DDX24: variants seen among roughly 807,000 people sequenced by gnomAD.
The protein encoded by DDX24 is DEAD-box helicase 24, also known as ATP-dependent RNA helicase DDX24.
DDX24 carries 24 observed loss-of-function variants against 68.9 expected under a neutral mutation model. The ratio of observed to expected loss-of-function variants is 0.35; its 90% CI spans 0.25 to 0.49. The LOEUF (loss-of-function observed/expected upper bound fraction) is 0.49. DDX24 is among the 20% of genes least tolerant of loss of function. The probability of loss-of-function intolerance (pLI) is 0.99; values close to 1 mark genes in which losing one functional copy is unlikely to be tolerated. For synonymous variants in DDX24, 395 were observed against 385.2 expected (o/e 1.03, Z -0.30); for missense variants, 989 against 1,039.0 (o/e 0.95, Z 0.66).
intron 2 of DDX24, among the ~76,000 whole-genome samples, chr14:94,077,302 G>A (rs1319314772): frequency 1.3e-5 from 2 of 152,168 alleles, no homozygotes; most frequent in Admixed American, 6.5e-5. Context: ...TATCCAAGTC[G>A]TTTTGAATTC....
intron 7 of DDX24, among the ~76,000 whole-genome samples, chr14:94,053,751 T>C (rs188326466): frequency 6.6e-6 from 1 of 152,192 alleles, no homozygotes; most frequent in Non-Finnish European, 1.5e-5. Context: ...GAGGCGAAGG[T>C]TGTGGTGAGC....
intron 5 of DDX24, among the ~76,000 whole-genome samples, chr14:94,058,963 G>T (rs1382357166): frequency 6.6e-6 from 1 of 152,194 alleles, no homozygotes; most frequent in Admixed American, 6.5e-5. Context: ...GCAGCCAGGT[G>T]TGATGGCATG....
chr14:94,051,455 T>C lies in DDX24; in HGVS notation c.2316A>G (p.Lys772=), dbSNP rs754810856. The change falls in exon 9 of 9, where the codon AAA becomes AAG. Residue 772 remains lysine, a synonymous_variant. Coordinates refer to ENST00000621632, the MANE Select transcript of DDX24 (RefSeq NM_020414.4). The stretch of plus-strand genomic sequence containing the variant: ...TCCGACGTTCTTCTTGCTGGTCAGC[T>C]TTTCCTCCTTGAAACACAATACAAA... The part of the protein sequence containing the change: ...ELEEDMYKGG[K]ADQQEERRRQ... 6 of 1,547,392 alleles carry C rather than the reference T, an allele frequency of 3.9e-6. No individual in the cohort carries two copies.
intron 7 of DDX24, among the ~76,000 whole-genome samples, chr14:94,053,537 G>A (rs557955141): frequency 3.3e-5 from 5 of 151,982 alleles, no homozygotes; most frequent in South Asian, 2.1e-4. Flanking sequence ...CTCTTGAGCC[G>A]GGCATGGTGG....
At chr14:94,058,811 T>C (rs1270575303) in intron 5 of DDX24, among the ~76,000 whole-genome samples, 1 of 152,198 alleles carries the variant, frequency 6.6e-6, no homozygotes, top group Non-Finnish European at 1.5e-5. Flanking sequence ...ACTTTTTCTG[T>C]AAAGAGCCAG....
Position 94,073,090 on chromosome 14 carries a change from T to TC in DDX24, c.718+5934_718+5935insG, listed in dbSNP as rs945834328. On this transcript the variant is annotated intron_variant, in intron 2 of 8. Transcript: ENST00000621632. The stretch of plus-strand genomic sequence containing the variant: ...TAACTCAATTAATTTTCTTTTCTTT[T>TC]TTTTTTTTTTTTTGAGATAGAGTCT... Among the ~76,000 whole-genome samples the TC allele has an allele frequency of 2.0e-4, 29 of 148,246 alleles. 1 individual carries two copies. Among genetic ancestry groups the TC allele is most frequent in the African/African-American group, 7.1e-4 (29 of 40,562 alleles).
chr14:94,062,521 T>C lies in DDX24; in HGVS notation c.819A>G (p.Pro273=), dbSNP rs752749072. ...CGGCCTCAGTTCTGGTCTCTCCAGG[T>C]GGTGCTTCGGTGTTACTTGGAGGAG... ...AAPPPSNTEA[P]PGETRTEAGA... Residue 273 remains proline, a synonymous_variant, in exon 3 of 9, where the codon CCA becomes CCG. Transcript: ENST00000621632. The C allele has an allele frequency of 5.6e-6, 9 of 1,614,116 alleles. No individual in the cohort carries two copies. In the Admixed American group the frequency reaches 1.5e-4, roughly 27 times the overall value.
Position 94,061,951 on chromosome 14 carries a change from A to G in DDX24, c.1243+146T>C, listed in dbSNP as rs567409436. 17 of 898,552 alleles carry G rather than the reference A, an allele frequency of 1.9e-5. No homozygotes were observed. In the African/African-American group the frequency reaches 2.7e-4, roughly 14 times the overall value. 55.7% of individuals were successfully genotyped at this position (898,552 alleles called of 1,614,324 possible). On this transcript the variant is annotated intron_variant, in intron 3 of 8. Transcript: ENST00000621632. ...TTGAGGGAACTGAAAAAATGTCACT[A>G]TATCAATTTTCTGTAGGGCTTAATT...
rs756914680 is a variant in DDX24, at chr14:94,079,736, A to G, written c.7T>C (p.Leu3=). MK[L]KDTKSRPKQS... Reference sequence around the variant, plus strand: ...TTTGGCCTTGATTTTGTGTCCTTCAACTTCATGGTTGCTGAAAAGGAGATA... The same window carrying G: ...TTTGGCCTTGATTTTGTGTCCTTCAGCTTCATGGTTGCTGAAAAGGAGATA... The change falls in exon 2 of 9, where the codon TTG becomes CTG. Residue 3 remains leucine (L), a synonymous_variant. Coordinates refer to ENST00000621632, the MANE Select transcript of DDX24 (RefSeq NM_020414.4). 4.0e-5 allele frequency: 64 copies of G among 1,613,304 alleles called. No individual in the cohort carries two copies. Among genetic ancestry groups the G allele is most frequent in the Non-Finnish European group, 5.1e-5 (60 of 1,179,708 alleles).
intron 2 of DDX24, among the ~76,000 whole-genome samples, chr14:94,064,932 T>C (rs556198861): frequency 2.0e-5 from 3 of 152,306 alleles, no homozygotes; most frequent in African/African-American, 7.2e-5. Flanking sequence ...TCCAGGTAGA[T>C]AGTGTCTGAA....
chr14:94,051,168 C>T lies in DDX24; in HGVS notation c.*23G>A, dbSNP rs181727697. ...TAGCCAGAGAACAGAAACCAATGTG[C>T]AGTCACTGACACACTTGACCAGTTA... On this transcript the variant is annotated 3_prime_UTR_variant, in exon 9 of 9. Coordinates refer to ENST00000621632, the MANE Select transcript of DDX24 (RefSeq NM_020414.4). 2.9e-4 allele frequency: 431 copies of T among 1,485,838 alleles called. 2 individuals are homozygous for T. In the African/African-American group the frequency reaches 6.0e-3, roughly 21 times the overall value. 92.0% of individuals were successfully genotyped at this position (1,485,838 alleles called of 1,614,324 possible). A position where few individuals can be genotyped will look rare whatever the true frequency, so the allele number is the denominator to read the frequency against.
intron 6 of DDX24, chr14:94,057,007 G>A (rs767998037): frequency 2.0e-5 from 3 of 152,156 alleles, no homozygotes; most frequent in Admixed American, 1.3e-4. Context: ...TGCCATACCA[G>A]CTACCATTTA....
chr14:94,061,973 A>T, intron 3 of DDX24, 124 bp downstream of exon 3: 1 of 1,099,860 alleles, frequency 9.1e-7, no homozygotes, highest in Non-Finnish European at 1.3e-6. Context: ...TGTAGGGCTT[A>T]ATTGTCTGGC....
chr14:94,051,252 T>G lies in DDX24; in HGVS notation c.2519A>C (p.Lys840Thr), dbSNP rs761434640. 34 of 1,572,634 alleles carry G rather than the reference T, an allele frequency of 2.2e-5. No individual in the cohort carries two copies. The highest frequency in any genetic ancestry group is 1.9e-4 in the Admixed American group (10 of 52,960). Reference sequence around the variant, plus strand: ...CTGTGGCTCCTTCGGCTTCTTTGTCTTCTTCTTCTTCTGCTTGGAGAGACA... The same window carrying G: ...CTGTGGCTCCTTCGGCTTCTTTGTCGTCTTCTTCTTCTGCTTGGAGAGACA... ...LSCLSKQKKKKTKKPKEPQPE... is the reference protein window; with the variant it reads ...LSCLSKQKKKTTKKPKEPQPE... Residue 840 changes from lysine (K) to threonine (T), a missense_variant, in exon 9 of 9, where the codon AAG (lysine) becomes ACG (threonine). By Grantham distance (78) the Lys-to-Thr change is moderately conservative. Around this residue, in one of 3 missense-constraint regions of DDX24, gnomAD observed 691 missense variants for 760.0 expected, o/e 0.91. Coordinates refer to ENST00000621632, the MANE Select transcript of DDX24 (RefSeq NM_020414.4).
In DDX24 at chr14:94,049,105, T is replaced by A. The variant is rs763833140; in HGVS notation, c.*2086A>T. On this transcript the variant is annotated 3_prime_UTR_variant, in exon 9 of 9. Coordinates refer to ENST00000621632, the MANE Select transcript of DDX24 (RefSeq NM_020414.4). ...CCAACTTCACCTTACCAGGCGAGAG[T>A]AGCACTGCTTGGAAGGCTGCTCCTG... 16 of 152,226 alleles carry A rather than the reference T, an allele frequency of 1.1e-4. No individual in the cohort carries two copies. The allele number at this position is 152,226 out of a possible 1,614,324, so 9.4% of individuals were successfully genotyped here. A position where few individuals can be genotyped will look rare whatever the true frequency, so the allele number is the denominator to read the frequency against.
intron 2 of DDX24, among the ~76,000 whole-genome samples, chr14:94,066,605 CG>C (rs1355288641): frequency 6.6e-6 from 1 of 152,210 alleles, no homozygotes; most frequent in Non-Finnish European, 1.5e-5. Flanking sequence ...CCATCTCCAC[CG>C]GAACAGGCGC....
At chr14:94,052,554 G>C (rs1257595032) in intron 8 of DDX24, among the ~76,000 whole-genome samples, 2 of 152,220 alleles carry the variant, frequency 1.3e-5, no homozygotes, top group African/African-American at 4.8e-5. Flanking sequence ...CTATTTGCCA[G>C]GCAATGCTAT....
At chr14:94,059,972 C>A in intron 5 of DDX24, 126 bp downstream of exon 5, 2 of 1,081,588 alleles carry the variant, frequency 1.8e-6, no homozygotes, top group East Asian at 2.5e-5. Flanking sequence ...AAAAAAAAGG[C>A]TACCTACTAC....
rs1886005663 is a variant in DDX24 at position 94,079,228 on chromosome 14, T to C, written c.515A>G (p.Lys172Arg). Residue 172 changes from lysine to arginine, a missense_variant, in exon 2 of 9, where the codon AAG becomes AGG. Around this residue, in one of 3 missense-constraint regions of DDX24, gnomAD observed 295 missense variants for 263.0 expected, o/e 1.12. Coordinates refer to ENST00000621632, the MANE Select transcript of DDX24 (RefSeq NM_020414.4). ...GLEPSQSTAA[K>R]VPKKAKTWIP... ...CCATGTCTTCGCTTTTTTGGGCACC[T>C]TGGCAGCAGTGCTCTGAGAAGGCTC... is the stretch of plus-strand genomic sequence containing the variant. The C allele has an allele frequency of 6.2e-7, 1 of 1,614,238 alleles. No homozygotes were observed. The highest frequency in any genetic ancestry group is 8.5e-7 in the Non-Finnish European group (1 of 1,180,050).
Sources: gnomAD v4.1 joint callset for allele counts (sites outside exome capture counted in the v4.1 genomes callset) on GRCh38, gnomAD v4.1.1 for gene constraint, gnomAD v4.1.1 regional missense constraint, MANE v1.5 for transcripts, NCBI Gene and HGNC (gene_info 2026-07-23, HGNC 2026-07-21) for gene names.